SPON1: variants seen among roughly 807,000 people sequenced by gnomAD.
SPON1 encodes spondin 1.
In SPON1, 52 loss-of-function variants were observed where a neutral mutation model predicts 111.7. The observed-to-expected ratio is 0.47, with a 90% CI of 0.37 to 0.59. The LOEUF is 0.59. Ranked by LOEUF, SPON1 falls within the 20% of genes least tolerant of loss-of-function variation. The pLI, the probability that SPON1 is intolerant of heterozygous loss-of-function variation, is 0.00. For synonymous variants in SPON1, 410 were observed against 395.8 expected, an observed-to-expected ratio of 1.04 and a Z score of -0.43; for missense variants, 957 against 1,068.5, an observed-to-expected ratio of 0.90 and a Z score of 1.46.
At chr11:13,984,466 G>A (rs1554910081) in intron 2 of SPON1, among the ~76,000 whole-genome samples, 3 of 152,090 alleles carry the variant, frequency 2.0e-5, no homozygotes, top group African/African-American at 7.2e-5. Context: ...ATTATCCCAT[G>A]GGGAAAGGCA....
intron 6 of SPON1, among the ~76,000 whole-genome samples, chr11:14,172,797 C>A (rs1224757566): frequency 1.3e-5 from 2 of 151,914 alleles, no homozygotes; most frequent in African/African-American, 4.8e-5. Context: ...AAATTCTTTT[C>A]TTTAAGAATG....
intron 5 of SPON1, among the ~76,000 whole-genome samples, chr11:14,084,210 TG>T: frequency 6.6e-6 from 1 of 152,220 alleles, no homozygotes; most frequent in African/African-American, 2.4e-5. Flanking sequence ...ACATGTGCCA[TG>T]GTGGTTTTGC....
intron 6 of SPON1, among the ~76,000 whole-genome samples, chr11:14,163,806 A>G (rs1338324136): frequency 6.6e-6 from 1 of 152,074 alleles, no homozygotes; most frequent in Non-Finnish European, 1.5e-5. Flanking sequence ...GCTGTCCTCC[A>G]TATTGATTCC....
At chr11:14,070,468 TTA>T (rs1848866601) in intron 3 of SPON1, among the ~76,000 whole-genome samples, 1 of 152,202 alleles carries the variant, frequency 6.6e-6, no homozygotes. Context: ...CTACTGTTTA[TTA>T]AGTACTTATT....
In SPON1 at chr11:14,255,684, G is replaced by A. The variant is rs201863629; in HGVS notation, c.1130G>A (p.Arg377Gln). ...CCCACCATTCCCCAGGAGAAAATCCGGCCCCTGACCAGCCTGGACCATCCT... is the reference window on the plus strand; with the variant it reads ...CCCACCATTCCCCAGGAGAAAATCCAGCCCCTGACCAGCCTGGACCATCCT... ...NKPTIPQEKI[R>Q]PLTSLDHPQS... Residue 377 changes from arginine (R) to glutamine (Q), a missense_variant, in exon 9 of 16, where the codon CGG (arginine) becomes CAG (glutamine). Arg to Gln is a conservative substitution (Grantham distance 43, BLOSUM62 1). Transcript: ENST00000576479. The A allele has an allele frequency of 2.2e-5, 36 of 1,613,700 alleles. No individual in the cohort carries two copies. Among genetic ancestry groups the A allele is most frequent in the Middle Eastern group, 1.6e-4 (1 of 6,062 alleles).
At chr11:14,049,749 CA>C (rs1848694813) in intron 3 of SPON1, among the ~76,000 whole-genome samples, 1 of 152,100 alleles carries the variant, frequency 6.6e-6, no homozygotes, top group South Asian at 2.1e-4. Context: ...CTCTAAAATC[CA>C]AAAGATTTTT....
At chr11:14,041,445 GA>G (rs1415238042) in intron 2 of SPON1, 75 bp from the exon 3 acceptor site, 11 of 1,535,086 alleles carry the variant, frequency 7.2e-6, no homozygotes, top group Non-Finnish European at 8.9e-6. Flanking sequence ...TAAAGTTAAG[GA>G]AGTACCAACT....
At chr11:14,231,368 C>T (rs868929359) in intron 6 of SPON1, among the ~76,000 whole-genome samples, 1 of 151,010 alleles carries the variant, frequency 6.6e-6, no homozygotes, top group Non-Finnish European at 1.5e-5. Flanking sequence ...CTCCTGACCG[C>T]GTGATCCACC....
intron 2 of SPON1, among the ~76,000 whole-genome samples, chr11:14,005,655 A>G (rs1270856534): frequency 6.6e-6 from 1 of 152,246 alleles, no homozygotes; most frequent in East Asian, 1.9e-4. Context: ...CTCTGTCTGA[A>G]AAACAAATAA....
At chr11:14,217,195 G>A (rs1200475675) in intron 6 of SPON1, among the ~76,000 whole-genome samples, 2 of 152,178 alleles carry the variant, frequency 1.3e-5, no homozygotes, top group Admixed American at 6.5e-5. Context: ...TGCTTCCGTG[G>A]GGAGAGCTCT....
chr11:13,988,977 G>A (rs557703148), intron 2 of SPON1, among the ~76,000 whole-genome samples: 12 of 152,120 alleles, frequency 7.9e-5, no homozygotes, highest in African/African-American at 2.4e-4. Context: ...TTTTCATATC[G>A]ATGTTCATCA....
At chr11:14,106,213 C>G (rs1466421986) in intron 5 of SPON1, among the ~76,000 whole-genome samples, 4 of 152,132 alleles carry the variant, frequency 2.6e-5, no homozygotes, top group East Asian at 3.8e-4. Flanking sequence ...TTCCTTCAAA[C>G]CTATTTGCCA....
At chr11:14,203,890 C>G (rs4757241) in intron 6 of SPON1, among the ~76,000 whole-genome samples, 77,741 of 152,008 alleles carry the variant, frequency 0.51, 19,973 homozygotes, top group African/African-American at 0.54. Context: ...CATTAACATA[C>G]AGAACTTGTC....
At chr11:14,204,730 G>C (rs1554936001) in intron 6 of SPON1, among the ~76,000 whole-genome samples, 1 of 151,772 alleles carries the variant, frequency 6.6e-6, no homozygotes, top group Admixed American at 6.6e-5. Flanking sequence ...TGTTTGCCAG[G>C]CTGCAGTGCA....
Position 14,041,562 on chromosome 11 carries a change from T to C in SPON1, c.387T>C (p.Pro129=), listed in dbSNP as rs782601837. The C allele has an allele frequency of 6.9e-5, 111 of 1,613,996 alleles. 2 individuals carry two copies. The South Asian group carries it at 1.1e-3, about 17-fold the overall frequency. The change falls in exon 3 of 16, where the codon CCT becomes CCC. Residue 129 remains proline, a synonymous_variant. Coordinates refer to ENST00000576479, the MANE Select transcript of SPON1 (RefSeq NM_006108.4). ...AAACTCAGTTTATGAGCAATTGCCCTGTTGCAGTCACTGAAAGCACTCCAC... is the reference window on the plus strand; with the variant it reads ...AAACTCAGTTTATGAGCAATTGCCCCGTTGCAGTCACTGAAAGCACTCCAC... ...EEETQFMSNC[P]VAVTESTPRR... is the part of the protein sequence containing the mutation.
chr11:14,122,039 T>C (rs980448884), intron 5 of SPON1, among the ~76,000 whole-genome samples: 47 of 152,252 alleles, frequency 3.1e-4, no homozygotes, highest in African/African-American at 9.9e-4. Flanking sequence ...TCTCTAGTTA[T>C]TAGATTATGA....
intron 6 of SPON1, among the ~76,000 whole-genome samples, chr11:14,218,034 A>T (rs1848643363): frequency 6.6e-6 from 1 of 152,204 alleles, no homozygotes. Context: ...TCTGATACAC[A>T]CTAAAGTTTG....
intron 5 of SPON1, among the ~76,000 whole-genome samples, chr11:14,088,197 C>G (rs1014195592): frequency 6.6e-6 from 1 of 152,124 alleles, no homozygotes; most frequent in Admixed American, 6.5e-5. Flanking sequence ...TTATTTTGCA[C>G]ATTTGTTGAT....
chr11:13,971,551 T>G (rs1246135846), intron 1 of SPON1, among the ~76,000 whole-genome samples: 1 of 152,138 alleles, frequency 6.6e-6, no homozygotes, highest in African/African-American at 2.4e-5. Flanking sequence ...ATAAAAAAAC[T>G]TCCTGGGCCC....
Sources: allele counts gnomAD v4.1 joint callset (sites outside exome capture counted in the v4.1 genomes callset), GRCh38; gene constraint gnomAD v4.1.1; transcripts MANE v1.5; gene names NCBI Gene and HGNC (gene_info 2026-07-23, HGNC 2026-07-21).